KAZN: variants seen among roughly 807,000 people sequenced by gnomAD.
KAZN encodes kazrin.
KAZN carries 40 observed loss-of-function variants against 87.4 expected under a neutral mutation model. That is an observed-to-expected ratio of 0.46 (90% confidence interval 0.36 to 0.60). The LOEUF is 0.60. KAZN is among the 20% of genes least tolerant of loss of function. The pLI is 0.00. For synonymous variants in KAZN, 466 were observed against 458.3 expected (o/e 1.02, Z -0.22); for missense variants, 898 against 1,073.9 (o/e 0.84, Z 2.29).
chr1:14,965,449 C>T (rs926090771), intron 2 of KAZN, among the ~76,000 whole-genome samples: 9 of 152,140 alleles, frequency 5.9e-5, no homozygotes, highest in South Asian at 2.1e-4. Flanking sequence ...ATGATTTCTC[C>T]GCGAATCAAG....
chr1:14,388,916 C>A (rs575189595), intron 2 of KAZN, among the ~76,000 whole-genome samples: 2 of 152,084 alleles, frequency 1.3e-5, no homozygotes, highest in South Asian at 4.2e-4. Context: ...ATAGAAAACC[C>A]ACAGAATGAG....
intron 2 of KAZN, among the ~76,000 whole-genome samples, chr1:14,538,456 A>G (rs954696807): frequency 2.6e-5 from 4 of 152,214 alleles, no homozygotes; most frequent in Non-Finnish European, 5.9e-5. Flanking sequence ...TGGAAAGTCC[A>G]AGATCAAGAC....
At chr1:13,980,778 T>C (rs536622715) in intron 1 of KAZN, among the ~76,000 whole-genome samples, 1 of 152,090 alleles carries the variant, frequency 6.6e-6, no homozygotes. Flanking sequence ...GGAGCTTGGC[T>C]CACCTTGAAG....
At chr1:14,951,306 T>TCAGAACTCC (rs1662455916) in intron 1 of KAZN, among the ~76,000 whole-genome samples, 1 of 152,074 alleles carries the variant, frequency 6.6e-6, no homozygotes. Flanking sequence ...ATTCTTCCTT[T>TCAGAACTCC]CAGAACTCCC....
Position 14,040,090 on chromosome 1 carries a change from TGA to T in KAZN, c.92-140332_92-140331del, listed in dbSNP as rs1553119411. 2.2e-3 allele frequency among the ~76,000 whole-genome samples: 245 copies of T among 110,224 alleles called. 2 individuals are homozygous for T. The highest frequency in any genetic ancestry group is 7.8e-3 in the African/African-American group (229 of 29,242). 72.3% of individuals were successfully genotyped at this position (110,224 alleles called of 152,430 possible). On this transcript the variant is annotated intron_variant, in intron 1 of 16. Transcript: ENST00000636203. Reference sequence around the variant, plus strand: ...GTGTGTGTGTGTGCACGTGTGTGTGTGAGAGAGAGAGAGACAGAGAGAGAGAG... The same window carrying T: ...GTGTGTGTGTGTGCACGTGTGTGTGTGAGAGAGAGAGACAGAGAGAGAGAG...
intron 1 of KAZN, among the ~76,000 whole-genome samples, chr1:14,029,943 G>A (rs2101322322): frequency 6.6e-6 from 1 of 152,332 alleles, no homozygotes. Flanking sequence ...GCTTAGGATT[G>A]CCTTGGCAAT....
rs1381045793 is a variant in KAZN, at chr1:15,101,674, A to G, written c.1679A>G (p.Lys560Arg). The G allele has an allele frequency of 6.3e-7, 1 of 1,591,546 alleles. No homozygotes were observed. The highest frequency in any genetic ancestry group is 1.2e-5 in the South Asian group (1 of 86,912). ...GGGCGGATGCTGAATTCCCTGATGA[A>G]GCGAGACCTGGAGAAGCACCTGAAC... ...VDGRMLNSLM[K>R]RDLEKHLNVS... The change falls in exon 11 of 15, where the codon AAG becomes AGG. Residue 560 changes from lysine (K) to arginine (R), a missense_variant. Transcript: ENST00000376030.
chr1:14,790,036 C>G (rs1052595112), intron 1 of KAZN, among the ~76,000 whole-genome samples: 4 of 151,524 alleles, frequency 2.6e-5, no homozygotes, highest in Admixed American at 2.0e-4. Context: ...GAGTTTCACT[C>G]TTGTTGCCCA....
chr1:14,893,928 T>C (rs1284076551), intron 1 of KAZN, among the ~76,000 whole-genome samples: 2 of 152,106 alleles, frequency 1.3e-5, no homozygotes, highest in African/African-American at 2.4e-5. Context: ...ATCTGAAATA[T>C]TGATGTGGCA....
At chr1:14,554,945 C>T (rs953713886) in intron 2 of KAZN, among the ~76,000 whole-genome samples, 4 of 152,224 alleles carry the variant, frequency 2.6e-5, no homozygotes, top group African/African-American at 4.8e-5. Flanking sequence ...CCAGTGCCCC[C>T]ACAACCATTC....
intron 1 of KAZN, among the ~76,000 whole-genome samples, chr1:14,927,549 T>C (rs1487062515): frequency 1.3e-5 from 2 of 151,930 alleles, no homozygotes; most frequent in African/African-American, 4.8e-5. Context: ...TGAAGTGAGG[T>C]GTGTGGGTGC....
chr1:14,040,623 A>G (rs1641787705), intron 1 of KAZN, among the ~76,000 whole-genome samples: 1 of 151,872 alleles, frequency 6.6e-6, no homozygotes, highest in African/African-American at 2.4e-5. Flanking sequence ...TTAGCCAGGC[A>G]TGGTGGCGCC....
At chr1:14,506,702 A>T (rs2148437902) in intron 2 of KAZN, among the ~76,000 whole-genome samples, 1 of 152,334 alleles carries the variant, frequency 6.6e-6, no homozygotes, top group African/African-American at 2.4e-5. Flanking sequence ...TTTAGCTCTC[A>T]TTGTTATCAC....
chr1:14,168,427 G>A (rs141978032), intron 1 of KAZN, among the ~76,000 whole-genome samples: 1 of 151,298 alleles, frequency 6.6e-6, no homozygotes, highest in African/African-American at 2.4e-5. Context: ...ATGTGAAAGC[G>A]TTTATTATCT....
chr1:14,557,557 T>TCGTCAG, intron 2 of KAZN, among the ~76,000 whole-genome samples: 1 of 151,926 alleles, frequency 6.6e-6, no homozygotes, highest in South Asian at 2.1e-4. Context: ...TAAAAGTTAG[T>TCGTCAG]CGTCAGCTTC....
At chr1:14,047,070 C>T (rs1248762936) in intron 1 of KAZN, among the ~76,000 whole-genome samples, 1 of 152,178 alleles carries the variant, frequency 6.6e-6, no homozygotes, top group African/African-American at 2.4e-5. Flanking sequence ...TCTGTGCATT[C>T]GTTCATCCTT....
intron 1 of KAZN, among the ~76,000 whole-genome samples, chr1:14,837,574 A>G (rs953623286): frequency 1.8e-5 from 2 of 113,050 alleles, no homozygotes; most frequent in African/African-American, 7.0e-5. Context: ...TTTTTTTGAG[A>G]CAGGGTCTTG....
intron 1 of KAZN, among the ~76,000 whole-genome samples, chr1:13,933,038 C>T (rs564590276): frequency 5.8e-4 from 88 of 152,292 alleles, no homozygotes; most frequent in African/African-American, 2.1e-3. Flanking sequence ...TAATATCTAA[C>T]ATTCCAATGG....
At chr1:14,738,337 T>A (rs1323184989) in intron 1 of KAZN, among the ~76,000 whole-genome samples, 1 of 152,010 alleles carries the variant, frequency 6.6e-6, no homozygotes, top group South Asian at 2.1e-4. Context: ...CTGAAATGCT[T>A]TTGAAGCTGC....
Sources: allele counts gnomAD v4.1 joint callset (sites outside exome capture counted in the v4.1 genomes callset), GRCh38; gene constraint gnomAD v4.1.1; transcripts MANE v1.5; gene names NCBI Gene and HGNC (gene_info 2026-07-23, HGNC 2026-07-21).